The following LHFPL2 variants were observed in gnomAD, a reference collection of about 807,000 sequenced individuals.
The protein encoded by LHFPL2 is LHFPL tetraspan subfamily member 2.
LHFPL2 carries 7 observed loss-of-function variants against 17.5 expected under a neutral mutation model. That is an observed-to-expected ratio of 0.40 (90% confidence interval 0.23 to 0.75). The LOEUF is 0.75. LHFPL2 is among the 30% of genes least tolerant of loss of function. LHFPL2 has a pLI of 0.37. For missense variants in LHFPL2, 241 were observed against 294.8 expected, an observed-to-expected ratio of 0.82 and a Z score of 1.34; for synonymous variants, 134 against 116.2, an observed-to-expected ratio of 1.15 and a Z score of -0.99.
rs1743668992 is a variant in LHFPL2 at position 78,592,617 on chromosome 5, CAG to C, written c.-244-27748_-244-27747del. On this transcript the variant is annotated intron_variant, in intron 2 of 4. Transcript: ENST00000380345. ...TTACTCTTCAACTTAGTGAAAAATTCAGATACACACACACACACACACATTAC... is the reference window on the plus strand; with the variant it reads ...TTACTCTTCAACTTAGTGAAAAATTCATACACACACACACACACACATTAC... Among the ~76,000 whole-genome samples the C allele has an allele frequency of 4.0e-5, 5 of 124,908 alleles. No individual in the cohort carries two copies. In the South Asian group the frequency reaches 1.2e-3, roughly 31 times the overall value. 81.9% of individuals were successfully genotyped at this position (124,908 alleles called of 152,430 possible). A position where few individuals can be genotyped will look rare whatever the true frequency, so the allele number is the denominator to read the frequency against.
intron 2 of LHFPL2, among the ~76,000 whole-genome samples, chr5:78,583,582 C>A (rs1743233653): frequency 6.6e-6 from 1 of 151,612 alleles, no homozygotes; most frequent in South Asian, 2.1e-4. Context: ...GTTGAAAATT[C>A]TTTTCTTTAA....
intron 3 of LHFPL2, among the ~76,000 whole-genome samples, chr5:78,513,250 G>A (rs776676649): frequency 6.6e-6 from 1 of 152,164 alleles, no homozygotes; most frequent in Non-Finnish European, 1.5e-5. Context: ...CAGGACAGGA[G>A]AAGATGGGAC....
At chr5:78,587,054 T>C (rs1412344254) in intron 2 of LHFPL2, among the ~76,000 whole-genome samples, 2 of 152,176 alleles carry the variant, frequency 1.3e-5, no homozygotes, top group Admixed American at 1.3e-4. Context: ...TTCCTTCCAT[T>C]TTCTTCCTTC....
chr5:78,571,525 A>G (rs564369901), intron 2 of LHFPL2, among the ~76,000 whole-genome samples: 1 of 151,848 alleles, frequency 6.6e-6, no homozygotes, highest in South Asian at 2.1e-4. Context: ...AAGTCCATCC[A>G]CTCATCTCAT....
In LHFPL2 at chr5:78,509,764, C is replaced by T. The variant is rs1755046511; in HGVS notation, c.430+20G>A. ...TCTCCATCCCTCCATCCCACCGTGC[C>T]CGGGGTCCTGCCTTCTTACCTGCAA... On this transcript the variant is annotated intron_variant, in intron 4 of 4. Transcript: ENST00000380345. 5 of 1,599,422 alleles carry T rather than the reference C, an allele frequency of 3.1e-6. No individual in the cohort carries two copies. Among genetic ancestry groups the T allele is most frequent in the African/African-American group, 1.3e-5 (1 of 74,626 alleles).
chr5:78,637,467 G>A (rs1203778790), intron 1 of LHFPL2, among the ~76,000 whole-genome samples: 1 of 152,112 alleles, frequency 6.6e-6, no homozygotes, highest in Non-Finnish European at 1.5e-5. Context: ...TGCCCTAAAG[G>A]ATTAAAGGCA....
chr5:78,490,694 G>A (rs1754410648), intron 4 of LHFPL2, among the ~76,000 whole-genome samples: 1 of 135,762 alleles, frequency 7.4e-6, no homozygotes, highest in African/African-American at 2.8e-5. Flanking sequence ...GTTGCAGTGA[G>A]CCAAGATTGG....
intron 2 of LHFPL2, among the ~76,000 whole-genome samples, chr5:78,576,430 G>A (rs971127534): frequency 1.3e-5 from 2 of 152,102 alleles, no homozygotes; most frequent in East Asian, 1.9e-4. Flanking sequence ...TCTCCTGTCC[G>A]CTGAGCACCT....
At chr5:78,629,945 C>T (rs1003801040) in intron 2 of LHFPL2, among the ~76,000 whole-genome samples, 5 of 152,206 alleles carry the variant, frequency 3.3e-5, no homozygotes, top group African/African-American at 9.6e-5. Flanking sequence ...TGAATGAAAA[C>T]GCAGTACCTT....
At chr5:78,618,626 A>T (rs528538992) in intron 2 of LHFPL2, among the ~76,000 whole-genome samples, 1 of 152,352 alleles carries the variant, frequency 6.6e-6, no homozygotes, top group South Asian at 2.1e-4. Flanking sequence ...ACAAGACAGG[A>T]ACTGCATGGC....
intron 4 of LHFPL2, chr5:78,491,179 T>C (rs1374558391): frequency 2.0e-5 from 3 of 152,176 alleles, no homozygotes; most frequent in Non-Finnish European, 4.4e-5. Context: ...CCCCATCCCA[T>C]TGTTCTTCTC....
intron 3 of LHFPL2, among the ~76,000 whole-genome samples, chr5:78,558,114 G>C (rs1031110707): frequency 2.0e-5 from 3 of 152,194 alleles, no homozygotes; most frequent in Non-Finnish European, 4.4e-5. Flanking sequence ...TCAGGGATAC[G>C]CTATTGCCTT....
At chr5:78,539,233 T>C (rs538157025) in intron 3 of LHFPL2, among the ~76,000 whole-genome samples, 70 of 152,294 alleles carry the variant, frequency 4.6e-4, no homozygotes, top group African/African-American at 1.7e-3. Flanking sequence ...TGGAAGCGGA[T>C]AGCAGCCCTC....
At chr5:78,614,545 A>C (rs1314830884) in intron 2 of LHFPL2, among the ~76,000 whole-genome samples, 1 of 152,248 alleles carries the variant, frequency 6.6e-6, no homozygotes, top group African/African-American at 2.4e-5. Context: ...TGTTTCTATT[A>C]CTACATGCCA....
chr5:78,511,067 T>A (rs1755106402), intron 3 of LHFPL2, among the ~76,000 whole-genome samples: 1 of 151,948 alleles, frequency 6.6e-6, no homozygotes, highest in African/African-American at 2.4e-5. Flanking sequence ...AGGGTGATTT[T>A]TAGACAAAAT....
chr5:78,601,978 C>T (rs924682599), intron 2 of LHFPL2, among the ~76,000 whole-genome samples: 1 of 152,112 alleles, frequency 6.6e-6, no homozygotes, highest in African/African-American at 2.4e-5. Context: ...AAATTAAAGA[C>T]TTTTAAAAAA....
chr5:78,583,174 G>T lies in LHFPL2; in HGVS notation c.-244-18303C>A, dbSNP rs556829808. Reference sequence around the variant, plus strand: ...ATCCTTTTATTTTGAGCCTATGTGTGTCTCTGCACATGAGATGGGTTTCCT... The same window carrying T: ...ATCCTTTTATTTTGAGCCTATGTGTTTCTCTGCACATGAGATGGGTTTCCT... On this transcript the variant is annotated intron_variant, in intron 2 of 4. Transcript: ENST00000380345. Among the ~76,000 whole-genome samples, 10 of 151,262 alleles carry T rather than the reference G, an allele frequency of 6.6e-5. No individual in the cohort carries two copies. In the East Asian group the frequency reaches 1.7e-3, roughly 26 times the overall value.
At chr5:78,584,637 C>A (rs1347469779) in intron 2 of LHFPL2, among the ~76,000 whole-genome samples, 1 of 152,182 alleles carries the variant, frequency 6.6e-6, no homozygotes. Context: ...GGCAGTCTGC[C>A]CGTTCTCAGA....
chr5:78,549,305 G>A (rs1756373811), intron 3 of LHFPL2, among the ~76,000 whole-genome samples: 1 of 152,220 alleles, frequency 6.6e-6, no homozygotes, highest in Non-Finnish European at 1.5e-5. Flanking sequence ...TTGAGGCTGA[G>A]ACTCTAGAAC....
Sources: allele counts gnomAD v4.1 joint callset (sites outside exome capture counted in the v4.1 genomes callset), GRCh38; gene constraint gnomAD v4.1.1; transcripts MANE v1.5; gene names NCBI Gene and HGNC (gene_info 2026-07-23, HGNC 2026-07-21).